Variants in SYN3 observed in about 807,000 individuals in gnomAD.
The protein encoded by SYN3 is synapsin III.
SYN3 carries 35 observed loss-of-function variants against 65.8 expected under a neutral mutation model. That is an observed-to-expected ratio of 0.53 (90% CI 0.41 to 0.70). The LOEUF is 0.70. SYN3 is among the 30% of genes least tolerant of loss of function. SYN3 has a pLI of 0.00. For missense variants in SYN3, 680 were observed against 749.0 expected, an observed-to-expected ratio of 0.91 and a Z score of 1.08; for synonymous variants, 270 against 292.9, an observed-to-expected ratio of 0.92 and a Z score of 0.80.
intron 7 of SYN3, among the ~76,000 whole-genome samples, chr22:32,569,730 TG>T (rs1308775806): frequency 6.6e-6 from 1 of 152,140 alleles, no homozygotes; most frequent in Non-Finnish European, 1.5e-5. Flanking sequence ...TATGTGACCT[TG>T]GGACATTTCT....
intron 7 of SYN3, among the ~76,000 whole-genome samples, chr22:32,589,239 T>C (rs1449115528): frequency 2.0e-5 from 3 of 152,224 alleles, no homozygotes. Context: ...AAGTCCCAGT[T>C]GTGGGGCTTG....
intron 6 of SYN3, among the ~76,000 whole-genome samples, chr22:32,670,104 C>T (rs1053863852): frequency 2.0e-5 from 3 of 152,174 alleles, no homozygotes; most frequent in Admixed American, 1.3e-4. Flanking sequence ...TATTTTGGGC[C>T]TCTGTTACTT....
intron 6 of SYN3, among the ~76,000 whole-genome samples, chr22:32,702,669 T>C (rs958181819): frequency 6.6e-6 from 1 of 152,170 alleles, no homozygotes; most frequent in Non-Finnish European, 1.5e-5. Context: ...TCAAATGAAG[T>C]ACTTAATTAA....
chr22:32,643,556 GC>G (rs1428831595), intron 6 of SYN3, among the ~76,000 whole-genome samples: 5,997 of 38,156 alleles, frequency 0.16, 1,147 homozygotes, highest in East Asian at 0.37. Context: ...TGGTGGGGGG[GC>G]GGGGGGGGCA....
Position 32,679,518 on chromosome 22 carries a change from C to T in SYN3, c.712-82782G>A, listed in dbSNP as rs1255844337. Among the ~76,000 whole-genome samples, 20 of 152,186 alleles carry T rather than the reference C, an allele frequency of 1.3e-4. No homozygotes were observed. The East Asian group carries it at 2.5e-3, about 19-fold the overall frequency. On this transcript the variant is annotated intron_variant, in intron 6 of 13. Transcript: ENST00000358763. ...CCAGAAGAGGGATTGATGGATCATA[C>T]GGTAGTTCTACTTTTATTTTTTTAA...
intron 2 of SYN3, among the ~76,000 whole-genome samples, chr22:32,989,568 C>T (rs113944029): frequency 2.9e-4 from 44 of 152,258 alleles, no homozygotes; most frequent in Middle Eastern, 6.8e-3. Context: ...GGCACGGTGG[C>T]TTATGCCTGT....
chr22:32,979,293 C>A lies in SYN3; in HGVS notation c.369+1352G>T, dbSNP rs145143421. 2.5e-3 allele frequency among the ~76,000 whole-genome samples: 377 copies of A among 152,244 alleles called. 12 individuals carry two copies. Among genetic ancestry groups the A allele is most frequent in the Admixed American group, 0.02 (309 of 15,286 alleles). ...GACTGGGCCTCTTCTTCTATATACT[C>A]GTTCTCCACATATTAGCTAGCTAGC... On this transcript the variant is annotated intron_variant, in intron 3 of 13. Coordinates refer to ENST00000358763, the MANE Select transcript of SYN3 (RefSeq NM_003490.4).
chr22:32,594,327 C>T (rs1200523192), intron 7 of SYN3, among the ~76,000 whole-genome samples: 2 of 152,248 alleles, frequency 1.3e-5, no homozygotes, highest in East Asian at 3.9e-4. Flanking sequence ...GAGATATACT[C>T]TGAAGGGAGG....
chr22:32,766,421 C>G (rs574224398), intron 6 of SYN3, among the ~76,000 whole-genome samples: 11 of 152,336 alleles, frequency 7.2e-5, no homozygotes, highest in African/African-American at 2.6e-4. Flanking sequence ...CAGCGTGATA[C>G]AGCAGTTCTG....
intron 6 of SYN3, among the ~76,000 whole-genome samples, chr22:32,788,053 C>T (rs906993309): frequency 6.6e-6 from 1 of 152,156 alleles, no homozygotes; most frequent in African/African-American, 2.4e-5. Flanking sequence ...GGCATTTAGA[C>T]TTCAAGTGCA....
intron 1 of SYN3, among the ~76,000 whole-genome samples, chr22:33,028,670 G>A (rs369840560): frequency 3.5e-3 from 413 of 117,926 alleles, no homozygotes; most frequent in East Asian, 0.023. Flanking sequence ...GGTGGTGGTG[G>A]TGGTGGTGGT....
chr22:32,514,521 G>C (rs1171573488), intron 13 of SYN3: 1 of 152,232 alleles, frequency 6.6e-6, no homozygotes, highest in Non-Finnish European at 1.5e-5. Flanking sequence ...CATTCTGAGT[G>C]CTTCCTAAAT....
At chr22:32,686,037 T>C (rs1026193206) in intron 6 of SYN3, among the ~76,000 whole-genome samples, 12 of 152,196 alleles carry the variant, frequency 7.9e-5, no homozygotes, top group Non-Finnish European at 1.5e-4. Flanking sequence ...ACACCCCAAT[T>C]TCATGGCGAT....
At chr22:32,953,975 G>A (rs1194003262) in intron 3 of SYN3, among the ~76,000 whole-genome samples, 1 of 152,152 alleles carries the variant, frequency 6.6e-6, no homozygotes, top group African/African-American at 2.4e-5. Flanking sequence ...AAGCCTAGAT[G>A]TACATTTGCT....
chr22:32,769,886 G>A (rs191785304), intron 6 of SYN3, among the ~76,000 whole-genome samples: 71 of 152,124 alleles, frequency 4.7e-4, no homozygotes, highest in African/African-American at 1.7e-3. Flanking sequence ...CTCCCCTATT[G>A]ATCTCATTCA....
intron 1 of SYN3, among the ~76,000 whole-genome samples, chr22:33,018,022 G>C (rs1298881052): frequency 2.6e-5 from 4 of 152,196 alleles, no homozygotes; most frequent in African/African-American, 9.6e-5. Flanking sequence ...GTCAGATCAT[G>C]AAGGGCCATG....
chr22:32,673,269 G>A (rs2060396547), intron 6 of SYN3, among the ~76,000 whole-genome samples: 1 of 152,166 alleles, frequency 6.6e-6, no homozygotes, highest in African/African-American at 2.4e-5. Context: ...CACATATAGG[G>A]TGTTGTGTCA....
chr22:32,603,107 T>G (rs2059308998), intron 6 of SYN3, among the ~76,000 whole-genome samples: 1 of 152,040 alleles, frequency 6.6e-6, no homozygotes, highest in Non-Finnish European at 1.5e-5. Flanking sequence ...GCCACCATAT[T>G]ACCTCCAGGC....
chr22:33,053,165 G>A (rs928400460), intron 1 of SYN3, among the ~76,000 whole-genome samples: 6 of 152,212 alleles, frequency 3.9e-5, no homozygotes, highest in African/African-American at 1.4e-4. Flanking sequence ...GCTCACACCT[G>A]TAATCCCAAC....
Sources: allele counts gnomAD v4.1 joint callset (sites outside exome capture counted in the v4.1 genomes callset), GRCh38; gene constraint gnomAD v4.1.1; transcripts MANE v1.5; gene names NCBI Gene and HGNC (gene_info 2026-07-23, HGNC 2026-07-21).